FAAH: variants seen among roughly 807,000 people sequenced by gnomAD.
FAAH encodes the protein fatty acid amide hydrolase.
FAAH carries 63 observed loss-of-function variants against 69.7 expected under a neutral mutation model. The ratio of observed to expected loss-of-function variants is 0.90; its 90% CI spans 0.74 to 1.12. FAAH has a LOEUF of 1.12. Among genes scored for constraint, FAAH ranks in the 50% most tolerant of loss-of-function variants. FAAH has a pLI of 0.00. For synonymous variants in FAAH, 305 were observed against 324.2 expected (o/e 0.94, Z 0.64); for missense variants, 680 against 755.0 (o/e 0.90, Z 1.16).
intron 1 of FAAH, among the ~76,000 whole-genome samples, chr1:46,398,754 C>T (rs919756025): frequency 5.3e-5 from 8 of 151,652 alleles, no homozygotes; most frequent in African/African-American, 1.5e-4. Flanking sequence ...AGGCTGGTCT[C>T]GAACTCCTGA....
At chr1:46,407,639 A>G (rs1400007139) in intron 7 of FAAH, among the ~76,000 whole-genome samples, 1 of 152,060 alleles carries the variant, frequency 6.6e-6, no homozygotes, top group African/African-American at 2.4e-5. Context: ...TGAAGGCCAG[A>G]AACAGCCAGG....
chr1:46,408,893 C>T (rs1243421523), intron 8 of FAAH, among the ~76,000 whole-genome samples: 1 of 152,204 alleles, frequency 6.6e-6, no homozygotes, highest in Non-Finnish European at 1.5e-5. Flanking sequence ...CTGGTCATTA[C>T]ACAACTTTAT....
Position 46,405,344 on chromosome 1 carries a change from C to T in FAAH, c.445-28C>T. 6.2e-7 allele frequency: 1 copy of T among 1,607,440 alleles called. No individual in the cohort carries two copies. Among genetic ancestry groups the T allele is most frequent in the South Asian group, 1.1e-5 (1 of 91,060 alleles). On this transcript the variant is annotated intron_variant, in intron 3 of 14. Coordinates refer to ENST00000243167, the MANE Select transcript of FAAH (RefSeq NM_001441.3). This position sits in a 1 kb window ranked among gnomAD's most constrained non-coding sequence, Gnocchi z 4.1. The stretch of plus-strand genomic sequence containing the variant: ...GGCTGCCCACGGGCCCTGACTCACT[C>T]CCTTCTGGTGCCCATCCCTCCTCCC...
Position 46,410,633 on chromosome 1 carries a change from C to A in FAAH, c.1275+136C>A. 1 of 1,070,294 alleles carries A rather than the reference C, an allele frequency of 9.3e-7. No homozygotes were observed. The highest frequency in any genetic ancestry group is 1.4e-6 in the Non-Finnish European group (1 of 694,468). The allele number at this position is 1,070,294 out of a possible 1,614,324, so 66.3% of individuals were successfully genotyped here. A position where few individuals can be genotyped will look rare whatever the true frequency, so the allele number is the denominator to read the frequency against. On this transcript the variant is annotated intron_variant, in intron 10 of 14. Coordinates refer to ENST00000243167, the MANE Select transcript of FAAH (RefSeq NM_001441.3). This position sits in a 1 kb window ranked among gnomAD's most constrained non-coding sequence, Gnocchi z 4.9. ...GCCTCCTCTTCTCTCCAGTCCCCAC[C>A]CAGACTGCTCTCCTCCTCTGTCCCC...
Position 46,408,464 on chromosome 1 carries a change from C to T in FAAH, c.957C>T (p.Tyr319=), listed in dbSNP as rs756031104. 5.6e-6 allele frequency: 9 copies of T among 1,614,180 alleles called. No individual in the cohort carries two copies. The highest frequency in any genetic ancestry group is 6.8e-6 in the Non-Finnish European group (8 of 1,180,038). The change falls in exon 8 of 15, where the codon TAC becomes TAT. Residue 319 remains tyrosine (Y), a synonymous_variant. Coordinates refer to ENST00000243167, the MANE Select transcript of FAAH (RefSeq NM_001441.3). ...VPPLPFREEV[Y]TSSQPLRVGY... ...CCCCTGTGTTTTCCCTCCAGGTCTA[C>T]ACCAGCTCTCAGCCCCTGCGTGTGG...
Position 46,413,519 on chromosome 1 carries a change from C to A in FAAH, c.1684C>A (p.Leu562Met). Residue 562 changes from leucine to methionine, a missense_variant, in exon 15 of 15, where the codon CTG becomes ATG. Leu to Met is a conservative substitution (Grantham distance 15, BLOSUM62 2). Coordinates refer to ENST00000243167, the MANE Select transcript of FAAH (RefSeq NM_001441.3). ...TCTGCCCTGGCAAGAAGAGTTGTGTCTGCGGTTCATGCGGGAGGTGGAGCG... is the reference window on the plus strand; with the variant it reads ...TCTGCCCTGGCAAGAAGAGTTGTGTATGCGGTTCATGCGGGAGGTGGAGCG... Reference protein sequence around the residue: ...VALPWQEELCLRFMREVERLM... With the variant: ...VALPWQEELCMRFMREVERLM... 1 of 1,614,096 alleles carries A rather than the reference C, an allele frequency of 6.2e-7. No homozygotes were observed. The highest frequency in any genetic ancestry group is 1.1e-5 in the South Asian group (1 of 91,072).
chr1:46,402,057 G>T, intron 1 of FAAH, 34 bp from the exon 2 acceptor site: 1 of 1,552,090 alleles, frequency 6.4e-7, no homozygotes, highest in Non-Finnish European at 8.8e-7. Context: ...AGACTTCGGC[G>T]AGTAGGGGAC....
At chr1:46,412,039 G>A (rs45623537) in intron 12 of FAAH, 104 bp from the exon 13 acceptor site, 2 of 958,078 alleles carry the variant, frequency 2.1e-6, no homozygotes, top group East Asian at 2.6e-5. Flanking sequence ...AGATCCAGGG[G>A]CAGGTGCTGG....
intron 2 of FAAH, among the ~76,000 whole-genome samples, chr1:46,402,851 C>T (rs1664728441): frequency 6.6e-6 from 1 of 151,850 alleles, no homozygotes; most frequent in African/African-American, 2.4e-5. Context: ...TGCTAACACA[C>T]CCAGCTAATT....
rs895625328 is a variant in FAAH, at chr1:46,411,906, G to T, written c.1357-237G>T. Among the ~76,000 whole-genome samples, 2 of 152,256 alleles carry T rather than the reference G, an allele frequency of 1.3e-5. No individual in the cohort carries two copies. Among genetic ancestry groups the T allele is most frequent in the Non-Finnish European group, 1.5e-5 (1 of 68,044 alleles). ...TTTTTGCCCCTCTGGAGCTGCCTTT[G>T]TGTGGCTCCGCCTCAGCGGGAAGAG... On this transcript the variant is annotated intron_variant, in intron 12 of 14. Coordinates refer to ENST00000243167, the MANE Select transcript of FAAH (RefSeq NM_001441.3). This position sits in a 1 kb window ranked among gnomAD's most constrained non-coding sequence, Gnocchi z 4.8.
intron 7 of FAAH, 58 bp from the exon 8 acceptor site, chr1:46,408,401 G>T: frequency 6.2e-7 from 1 of 1,612,870 alleles, no homozygotes; most frequent in Non-Finnish European, 8.5e-7. Flanking sequence ...ATCTCTAGGG[G>T]TCCTGCCTAG....
chr1:46,409,381 G>A, intron 9 of FAAH, 183 bp downstream of exon 9: 1 of 638,148 alleles, frequency 1.6e-6, no homozygotes, highest in Non-Finnish European at 2.9e-6. Context: ...CCCTTGCCAG[G>A]GTGCCAGCCC....
chr1:46,410,677 C>A lies in FAAH; in HGVS notation c.1276-137C>A. The A allele has an allele frequency of 8.4e-7, 1 of 1,188,800 alleles. No homozygotes were observed. Among genetic ancestry groups the A allele is most frequent in the Non-Finnish European group, 1.3e-6 (1 of 796,782 alleles). The allele number at this position is 1,188,800 out of a possible 1,614,324, so 73.6% of individuals were successfully genotyped here. Reference sequence around the variant, plus strand: ...TGTCCCCTGCGATCTTCAGCCAACCCGCATGCTGAAAGGGGTGCCGACCTG... The same window carrying A: ...TGTCCCCTGCGATCTTCAGCCAACCAGCATGCTGAAAGGGGTGCCGACCTG... On this transcript the variant is annotated intron_variant, in intron 10 of 14. Transcript: ENST00000243167. The surrounding 1 kb of genome is among the most constrained non-coding windows in gnomAD (Gnocchi z 4.9).
chr1:46,410,378 C>G lies in FAAH; in HGVS notation c.1176-20C>G. The stretch of plus-strand genomic sequence containing the variant: ...GGATGTGGGGATGGGAGTGCCTGGA[C>G]CGAGCATTTTGTTTCCCAGCAAAGG... On this transcript the variant is annotated intron_variant, in intron 9 of 14. Coordinates refer to ENST00000243167, the MANE Select transcript of FAAH (RefSeq NM_001441.3). The surrounding 1 kb of genome is among the most constrained non-coding windows in gnomAD (Gnocchi z 4.9). 2 of 1,605,962 alleles carry G rather than the reference C, an allele frequency of 1.2e-6. No homozygotes were observed. The highest frequency in any genetic ancestry group is 1.7e-6 in the Non-Finnish European group (2 of 1,172,634).
chr1:46,399,255 C>T (rs1372474078), intron 1 of FAAH, among the ~76,000 whole-genome samples: 1 of 152,030 alleles, frequency 6.6e-6, no homozygotes, highest in Admixed American at 6.5e-5. Flanking sequence ...GTAGAGTATC[C>T]CTCTCTTGAA....
At position 46,409,202 on chromosome 1, in the gene FAAH, A is replaced by G; in HGVS notation, c.1175+4A>G. On this transcript the variant is annotated splice_donor_region_variant and intron_variant, in intron 9 of 14. Transcript: ENST00000243167. ...GCCACACCTTCCTACAGAACTTGTG[A>G]GTGATAGTGGGCTTTGGGGTCTTGG... The G allele has an allele frequency of 1.2e-6, 2 of 1,611,526 alleles. No homozygotes were observed. Among genetic ancestry groups the G allele is most frequent in the Non-Finnish European group, 1.7e-6 (2 of 1,177,894 alleles).
rs764366716 is a variant in FAAH, at chr1:46,413,414, C to A, written c.1612-33C>A. On this transcript the variant is annotated intron_variant, in intron 14 of 14. Transcript: ENST00000243167. Reference sequence around the variant, plus strand: ...CCTGGGGGTGGGGAGTCCTGCCTTGCTAACCCTATCCTGATGCCTGTATCC... The same window carrying A: ...CCTGGGGGTGGGGAGTCCTGCCTTGATAACCCTATCCTGATGCCTGTATCC... The A allele has an allele frequency of 3.1e-6, 5 of 1,614,020 alleles. No individual in the cohort carries two copies. In the South Asian group the frequency reaches 5.5e-5, roughly 18 times the overall value.
Position 46,409,052 on chromosome 1 carries a change from T to C in FAAH, c.1078-49T>C, listed in dbSNP as rs200190136. The C allele has an allele frequency of 3.7e-4, 556 of 1,500,768 alleles. 1 individual carries two copies. The highest frequency in any genetic ancestry group is 5.0e-4 in the Non-Finnish European group (536 of 1,076,710). The allele number at this position is 1,500,768 out of a possible 1,614,324, so 93.0% of individuals were successfully genotyped here. Reference sequence around the variant, plus strand: ...GGCCGCCCAGACAGCATGGGGATCATGAAGCCAGTTGTTAGGTCAGGAGGC... The same window carrying C: ...GGCCGCCCAGACAGCATGGGGATCACGAAGCCAGTTGTTAGGTCAGGAGGC... On this transcript the variant is annotated intron_variant, in intron 8 of 14. Coordinates refer to ENST00000243167, the MANE Select transcript of FAAH (RefSeq NM_001441.3).
rs565821897 is a variant in FAAH, at chr1:46,398,005, C to T, written c.195+3462C>T. Among the ~76,000 whole-genome samples, 19 of 147,936 alleles carry T rather than the reference C, an allele frequency of 1.3e-4. No homozygotes were observed. In the East Asian group the frequency reaches 3.7e-3, roughly 29 times the overall value. On this transcript the variant is annotated intron_variant, in intron 1 of 14. Coordinates refer to ENST00000243167, the MANE Select transcript of FAAH (RefSeq NM_001441.3). ...CTGGAGTGCACTGGTGCAATCTCGG[C>T]TCACTGCAACCTCCACCTCCCGGGT... is the stretch of plus-strand genomic sequence containing the variant.
Sources: gnomAD v4.1 joint callset for allele counts (sites outside exome capture counted in the v4.1 genomes callset) on GRCh38, gnomAD v4.1.1 for gene constraint, Gnocchi (gnomAD v3.1) non-coding constraint, MANE v1.5 for transcripts, NCBI Gene and HGNC (gene_info 2026-07-23, HGNC 2026-07-21) for gene names.